Variants in ZNF664 observed in about 807,000 individuals in gnomAD.
ZNF664 encodes the protein zinc finger protein 664.
A neutral mutation model predicts 18.2 loss-of-function variants in ZNF664; 10 were observed. The ratio of observed to expected loss-of-function variants is 0.55; its 90% CI spans 0.34 to 0.93. The LOEUF (loss-of-function observed/expected upper bound fraction) is 0.93. Among genes scored for constraint, ZNF664 ranks in the 40% least tolerant of loss-of-function variants. The pLI is 0.02. For synonymous variants in ZNF664, 119 were observed against 104.2 expected (o/e 1.14, Z -0.86); for missense variants, 193 against 319.0 (o/e 0.61, Z 3.01).
chr12:123,977,211 AT>A (rs1179594778), intron 2 of ZNF664, among the ~76,000 whole-genome samples: 1 of 152,246 alleles, frequency 6.6e-6, no homozygotes. Flanking sequence ...ACTTAAAAGT[AT>A]CAGAGAGTCA....
At chr12:123,984,793 G>A (rs1269913068) in intron 2 of ZNF664, among the ~76,000 whole-genome samples, 1 of 152,064 alleles carries the variant, frequency 6.6e-6, no homozygotes. Context: ...AAAAGACTGT[G>A]TTAAGAAACT....
At position 123,974,034 on chromosome 12, in the gene ZNF664, C is replaced by A; in HGVS notation, c.-757+14C>A. The A allele has an allele frequency of 6.0e-6, 6 of 1,004,116 alleles. No homozygotes were observed. Among genetic ancestry groups the A allele is most frequent in the Non-Finnish European group, 7.6e-6 (6 of 788,262 alleles). 62.2% of individuals were successfully genotyped at this position (1,004,116 alleles called of 1,614,324 possible). ...ATTCTCACCCAGGTAAACCGGCTGC[C>A]GGCGCTGTCCACTTCCCTCTGACTC... On this transcript the variant is annotated intron_variant, in intron 2 of 4. Coordinates refer to ENST00000337815, the MANE Select transcript of ZNF664 (RefSeq NM_152437.3).
rs1957164056 is a variant in ZNF664, at chr12:124,014,059, T to G, written c.*1129T>G. On this transcript the variant is annotated 3_prime_UTR_variant, in exon 5 of 5. Coordinates refer to ENST00000337815, the MANE Select transcript of ZNF664 (RefSeq NM_152437.3). ...ATGAGACAGACAAGGTCCCTACTCT[T>G]GTGGAGTTTACTTCTGGTGGAGGAG... The G allele has an allele frequency of 6.0e-6, 1 of 167,208 alleles. No homozygotes were observed. Among genetic ancestry groups the G allele is most frequent in the African/African-American group, 2.4e-5 (1 of 41,560 alleles). 10.4% of individuals were successfully genotyped at this position (167,208 alleles called of 1,614,324 possible).
At position 123,999,895 on chromosome 12, in the gene ZNF664, A is replaced by T. The variant is rs528775552; in HGVS notation, c.-660-11486A>T. ...GGAAGGGGGCAATAGCCACATAGCA[A>T]GTTGGGGTGAGGTCACACAAGCATT... is the stretch of plus-strand genomic sequence containing the variant. On this transcript the variant is annotated intron_variant, in intron 3 of 4. Transcript: ENST00000337815. Among the ~76,000 whole-genome samples the T allele has an allele frequency of 4.6e-5, 7 of 152,306 alleles. No individual in the cohort carries two copies. In the South Asian group the frequency reaches 1.5e-3, roughly 32 times the overall value.
At chr12:124,004,580 AG>A (rs1957048811) in intron 3 of ZNF664, among the ~76,000 whole-genome samples, 3 of 152,206 alleles carry the variant, frequency 2.0e-5, no homozygotes. Flanking sequence ...TTTCTAAGCC[AG>A]GGGTCCCCAA....
Position 124,012,335 on chromosome 12 carries a change from G to A in ZNF664, c.191G>A (p.Cys64Tyr). Residue 64 changes from cysteine to tyrosine, a missense_variant, in exon 5 of 5, where the codon TGT (cysteine) becomes TAT (tyrosine). Transcript: ENST00000337815. Reference sequence around the variant, plus strand: ...GAGAAGGTCTATAAATGTGATGATTGTGGTAAGGATTTTAGCACTACAACA... The same window carrying A: ...GAGAAGGTCTATAAATGTGATGATTATGGTAAGGATTTTAGCACTACAACA... ...TGEKVYKCDDCGKDFSTTTKL... is the reference protein window; with the variant it reads ...TGEKVYKCDDYGKDFSTTTKL... 1 of 1,614,244 alleles carries A rather than the reference G, an allele frequency of 6.2e-7. No individual in the cohort carries two copies. The highest frequency in any genetic ancestry group is 8.5e-7 in the Non-Finnish European group (1 of 1,180,040).
chr12:123,980,784 G>A (rs1414077362), intron 2 of ZNF664, among the ~76,000 whole-genome samples: 1 of 152,182 alleles, frequency 6.6e-6, no homozygotes, highest in Non-Finnish European at 1.5e-5. Flanking sequence ...CTTAAGAATT[G>A]TGGAATTCGG....
At chr12:124,011,218 C>T (rs901872073) in intron 3 of ZNF664, 163 bp from the exon 4 acceptor site, 12 of 850,360 alleles carry the variant, frequency 1.4e-5, no homozygotes, top group Non-Finnish European at 1.7e-5. Context: ...TTTTACAGGA[C>T]AGCTGGTTTT....
At chr12:123,988,758 T>C (rs1295373855) in intron 3 of ZNF664, among the ~76,000 whole-genome samples, 1 of 135,988 alleles carries the variant, frequency 7.4e-6, no homozygotes, top group African/African-American at 2.8e-5. Flanking sequence ...ATTTGTTCTT[T>C]TTTAAAGATT....
chr12:123,980,685 T>C (rs1303705255), intron 2 of ZNF664, among the ~76,000 whole-genome samples: 4 of 152,176 alleles, frequency 2.6e-5, no homozygotes, highest in South Asian at 4.1e-4. Context: ...GTATACCTGA[T>C]ATGATGAAAA....
At chr12:123,986,392 G>T (rs566649806) in intron 2 of ZNF664, among the ~76,000 whole-genome samples, 1 of 152,116 alleles carries the variant, frequency 6.6e-6, no homozygotes, top group Non-Finnish European at 1.5e-5. Context: ...ATTTCTTTGT[G>T]TCTTTCTCCT....
chr12:123,993,217 T>C (rs1956908600), intron 3 of ZNF664, among the ~76,000 whole-genome samples: 2 of 152,132 alleles, frequency 1.3e-5, no homozygotes, highest in African/African-American at 4.8e-5. Context: ...TGACCTGTTA[T>C]CATTGAGGTG....
At chr12:123,983,447 C>A (rs1956789520) in intron 2 of ZNF664, among the ~76,000 whole-genome samples, 1 of 152,168 alleles carries the variant, frequency 6.6e-6, no homozygotes, top group Admixed American at 6.5e-5. Context: ...TTCTAGAACT[C>A]ATTTATTTTT....
chr12:123,996,855 A>G (rs1172398369), intron 3 of ZNF664, among the ~76,000 whole-genome samples: 1 of 152,140 alleles, frequency 6.6e-6, no homozygotes, highest in Non-Finnish European at 1.5e-5. Flanking sequence ...CCCATGTTAT[A>G]TGTATTATAT....
intron 1 of ZNF664, chr12:123,973,616 G>C: frequency 2.3e-6 from 1 of 438,930 alleles, no homozygotes; most frequent in Non-Finnish European, 3.1e-6. Flanking sequence ...CGGGGCCGGG[G>C]GGCGCAGATG....
intron 3 of ZNF664, among the ~76,000 whole-genome samples, chr12:123,995,772 G>A (rs945007965): frequency 6.6e-6 from 1 of 152,236 alleles, no homozygotes; most frequent in African/African-American, 2.4e-5. Flanking sequence ...ACTAGCACAT[G>A]TGAATGAACT....
At position 123,996,191 on chromosome 12, in the gene ZNF664, C is replaced by G. The variant is rs576482618; in HGVS notation, c.-661+8053C>G. On this transcript the variant is annotated intron_variant, in intron 3 of 4. Coordinates refer to ENST00000337815, the MANE Select transcript of ZNF664 (RefSeq NM_152437.3). The stretch of plus-strand genomic sequence containing the variant: ...AATATGCATTGTTTTATGCAATTTT[C>G]AAAGCAACCTTAAGAGATGCAAGTA... Among the ~76,000 whole-genome samples, 4 of 152,244 alleles carry G rather than the reference C, an allele frequency of 2.6e-5. No homozygotes were observed. In the East Asian group the frequency reaches 7.7e-4, roughly 29 times the overall value.
intron 2 of ZNF664, 90 bp downstream of exon 2, chr12:123,974,110 C>A: frequency 2.0e-6 from 2 of 981,276 alleles, no homozygotes; most frequent in South Asian, 5.2e-5. Context: ...GCAGTTTTCT[C>A]ACTGTCCCCG....
intron 2 of ZNF664, among the ~76,000 whole-genome samples, chr12:123,985,857 G>A (rs1466046710): frequency 6.6e-6 from 1 of 152,208 alleles, no homozygotes; most frequent in Non-Finnish European, 1.5e-5. Flanking sequence ...AATCACCCAT[G>A]TCCCACATAA....
Sources: gnomAD v4.1 joint callset for allele counts (sites outside exome capture counted in the v4.1 genomes callset) on GRCh38, gnomAD v4.1.1 for gene constraint, MANE v1.5 for transcripts, NCBI Gene and HGNC (gene_info 2026-07-23, HGNC 2026-07-21) for gene names.